ALDH1L2: variants seen among roughly 807,000 people sequenced by gnomAD.
ALDH1L2 encodes the protein aldehyde dehydrogenase 1 family member L2.
ALDH1L2 carries 91 observed loss-of-function variants against 111.0 expected under a neutral mutation model. The observed-to-expected ratio is 0.82, with a 90% CI of 0.69 to 0.98. The LOEUF (loss-of-function observed/expected upper bound fraction) is 0.98. ALDH1L2 is among the 50% of genes least tolerant of loss of function. ALDH1L2 has a pLI of 0.00. For synonymous variants in ALDH1L2, 374 were observed against 392.6 expected (o/e 0.95, Z 0.56); for missense variants, 995 against 1,126.8 (o/e 0.88, Z 1.67).
At chr12:105,075,225 G>A (rs1355039150) in intron 1 of ALDH1L2, among the ~76,000 whole-genome samples, 1 of 152,210 alleles carries the variant, frequency 6.6e-6, no homozygotes, top group African/African-American at 2.4e-5. Context: ...TGTGCCGCTC[G>A]GCTGTCGTCT....
chr12:105,067,231 A>AG (rs1352489718), intron 4 of ALDH1L2, among the ~76,000 whole-genome samples: 1 of 146,220 alleles, frequency 6.8e-6, no homozygotes, highest in African/African-American at 2.6e-5. Context: ...AAAAAAAAAA[A>AG]AAAAGAAAAG....
intron 16 of ALDH1L2, among the ~76,000 whole-genome samples, chr12:105,040,052 G>A (rs1875428553): frequency 6.7e-6 from 1 of 148,220 alleles, no homozygotes; most frequent in South Asian, 2.2e-4. Context: ...CTTGAACCCA[G>A]GAGGCGGAGG....
chr12:105,056,394 A>G (rs1425262463), intron 10 of ALDH1L2, among the ~76,000 whole-genome samples: 2 of 152,196 alleles, frequency 1.3e-5, no homozygotes, highest in African/African-American at 4.8e-5. Context: ...CTGGCCTACA[A>G]AAAGTACTGA....
intron 12 of ALDH1L2, chr12:105,050,577 T>C (rs1876193880): frequency 2.6e-6 from 1 of 389,428 alleles, no homozygotes. Flanking sequence ...GTTCAACTTC[T>C]CTATTTATTT....
intron 6 of ALDH1L2, among the ~76,000 whole-genome samples, chr12:105,063,300 C>T (rs1165305162): frequency 6.6e-6 from 1 of 152,034 alleles, no homozygotes; most frequent in Non-Finnish European, 1.5e-5. Context: ...CACGGTGAAA[C>T]CCCGTCTCTA....
chr12:105,062,344 C>G (rs1877050028), intron 7 of ALDH1L2, among the ~76,000 whole-genome samples: 1 of 152,216 alleles, frequency 6.6e-6, no homozygotes, highest in Non-Finnish European at 1.5e-5. Context: ...TAGCGGCCTA[C>G]AGTCTTAACG....
chr12:105,074,458 C>CAAAAAAAAAAAA (rs59114614), intron 1 of ALDH1L2, among the ~76,000 whole-genome samples: 5 of 38,904 alleles, frequency 1.3e-4, no homozygotes, highest in African/African-American at 9.2e-4. Context: ...ACTCTGTCTC[C>CAAAAAAAAAAAA]AAAAAAAAAA....
chr12:105,025,604 A>G (rs547755958), intron 22 of ALDH1L2, among the ~76,000 whole-genome samples: 6 of 152,356 alleles, frequency 3.9e-5, no homozygotes, highest in African/African-American at 1.4e-4. Flanking sequence ...AGCTACTTTT[A>G]CTGCTGCAAA....
In ALDH1L2 at chr12:105,046,725, C is replaced by A. The variant is rs369675064; in HGVS notation, c.1848G>T (p.Val616=). 1.2e-5 allele frequency: 20 copies of A among 1,613,970 alleles called. No individual in the cohort carries two copies. The highest frequency in any genetic ancestry group is 5.3e-5 in the African/African-American group (4 of 74,916). The change falls in exon 15 of 23, where the codon GTG becomes GTT. Residue 616 remains valine, a synonymous_variant. Transcript: ENST00000258494. ...GTGGCCTTACCTGTGCTGGCTTGAG[C>A]ACTAAGGTATTGCCTGCTGCCAAAC... ...AACLAAGNTL[V]LKPAQVTPLT... is the part of the protein sequence containing the mutation.
In ALDH1L2 at chr12:105,052,948, A is replaced by T; in HGVS notation, c.1288-17T>A. 1 of 1,611,670 alleles carries T rather than the reference A, an allele frequency of 6.2e-7. No individual in the cohort carries two copies. Among genetic ancestry groups the T allele is most frequent in the South Asian group, 1.1e-5 (1 of 90,896 alleles). The stretch of plus-strand genomic sequence containing the variant: ...CTTTGAAATCTGAGAGAAGTATATT[A>T]ATAGATTCAATGGATTTCCGTGTTT... On this transcript the variant is annotated splice_polypyrimidine_tract_variant and intron_variant, in intron 10 of 22. Transcript: ENST00000258494.
chr12:105,062,210 G>A (rs904577012), intron 7 of ALDH1L2, among the ~76,000 whole-genome samples: 6 of 152,240 alleles, frequency 3.9e-5, no homozygotes, highest in African/African-American at 1.4e-4. Context: ...ATAAAAGCCA[G>A]TGGAGGCGGA....
chr12:105,024,625 T>G, intron 22 of ALDH1L2, 146 bp from the exon 23 acceptor site: 1 of 757,088 alleles, frequency 1.3e-6, no homozygotes, highest in East Asian at 2.6e-5. Context: ...ACTTTGAAGT[T>G]CATACTAACC....
rs1875885454 is a variant in ALDH1L2 at position 105,046,215 on chromosome 12, ATATATATTTTTTTT to A, written c.1863+481_1863+494del. Among the ~76,000 whole-genome samples the A allele has an allele frequency of 1.6e-4, 6 of 37,710 alleles. No homozygotes were observed. In the East Asian group the frequency reaches 3.6e-3, roughly 23 times the overall value. 24.7% of individuals were successfully genotyped at this position (37,710 alleles called of 152,430 possible). On this transcript the variant is annotated intron_variant, in intron 15 of 22. Coordinates refer to ENST00000258494, the MANE Select transcript of ALDH1L2 (RefSeq NM_001034173.4). ...TCTCTATATATATATATATATATAT[ATATATATTTTTTTT>A]TTTTTTTTTTTTTTTTTTTTTTGTG...
chr12:105,057,093 C>CAA (rs1876676960), intron 10 of ALDH1L2, among the ~76,000 whole-genome samples: 1 of 151,278 alleles, frequency 6.6e-6, no homozygotes, highest in Non-Finnish European at 1.5e-5. Context: ...TTAAAATGAG[C>CAA]TAAGGATTTG....
At chr12:105,036,559 T>TATAC (rs1875159392) in intron 18 of ALDH1L2, among the ~76,000 whole-genome samples, 1 of 46,362 alleles carries the variant, frequency 2.2e-5, no homozygotes, top group Non-Finnish European at 3.4e-5. Context: ...TATATATATA[T>TATAC]ATATATAAAA....
chr12:105,026,728 A>G lies in ALDH1L2; in HGVS notation c.2533T>C (p.Leu845=), dbSNP rs978234278. 28 of 1,614,188 alleles carry G rather than the reference A, an allele frequency of 1.7e-5. No homozygotes were observed. Among genetic ancestry groups the G allele is most frequent in the Non-Finnish European group, 2.2e-5 (26 of 1,180,012 alleles). ...KFQNGDIDGV[L]QRANSTEYGL... ...TACTCTGTACTATTTGCTCGCTGCAACACTCCATCGATGTCCCTGTGTTTT... is the reference window on the plus strand; with the variant it reads ...TACTCTGTACTATTTGCTCGCTGCAGCACTCCATCGATGTCCCTGTGTTTT... Residue 845 remains leucine, a synonymous_variant, in exon 22 of 23, where the codon TTG becomes CTG. Transcript: ENST00000258494.
rs755235661 is a variant in ALDH1L2 at position 105,023,885 on chromosome 12, TCACCCATCA to T, written c.*530_*538del. 1.3e-5 allele frequency: 2 copies of T among 154,226 alleles called. No homozygotes were observed. Among genetic ancestry groups the T allele is most frequent in the Non-Finnish European group, 2.9e-5 (2 of 69,518 alleles). The allele number at this position is 154,226 out of a possible 1,614,324, so 9.6% of individuals were successfully genotyped here. ...ACTCAAGATAATGTTTCTAGGTTGA[TCACCCATCA>T]CAGTGGGTTAAAAAATGGAATATCA... On this transcript the variant is annotated 3_prime_UTR_variant, in exon 23 of 23. Coordinates refer to ENST00000258494, the MANE Select transcript of ALDH1L2 (RefSeq NM_001034173.4).
intron 4 of ALDH1L2, among the ~76,000 whole-genome samples, chr12:105,068,000 G>C (rs962293033): frequency 6.6e-6 from 1 of 152,194 alleles, no homozygotes; most frequent in Non-Finnish European, 1.5e-5. Context: ...CGACTTGCCT[G>C]TGGTCATGCA....
chr12:105,040,146 A>ACG, intron 16 of ALDH1L2, among the ~76,000 whole-genome samples: 1 of 150,452 alleles, frequency 6.6e-6, no homozygotes, highest in Non-Finnish European at 1.5e-5. Flanking sequence ...AAAAAAAAAA[A>ACG]AAAAAACCTT....
Sources: allele counts gnomAD v4.1 joint callset (sites outside exome capture counted in the v4.1 genomes callset), GRCh38; gene constraint gnomAD v4.1.1; transcripts MANE v1.5; gene names NCBI Gene and HGNC (gene_info 2026-07-23, HGNC 2026-07-21).